Variants in MYO5B observed in about 807,000 individuals in gnomAD.
MYO5B encodes myosin VB, also known as unconventional myosin-Vb.
A neutral mutation model predicts 229.3 loss-of-function variants in MYO5B; 143 were observed. The observed-to-expected ratio is 0.62, with a 90% CI of 0.54 to 0.72. MYO5B has a LOEUF of 0.72. Among genes scored for constraint, MYO5B ranks in the 30% least tolerant of loss-of-function variants. The pLI, the probability that MYO5B is intolerant of heterozygous loss-of-function variation, is 0.00. For synonymous variants in MYO5B, 918 were observed against 885.2 expected (o/e 1.04, Z -0.66); for missense variants, 2,321 against 2,331.0 (o/e 1.00, Z 0.09).
chr18:50,107,986 A>C (rs2031792974), intron 1 of MYO5B, among the ~76,000 whole-genome samples: 1 of 149,834 alleles, frequency 6.7e-6, no homozygotes, highest in Non-Finnish European at 1.5e-5. Flanking sequence ...TTGGCTCACT[A>C]CAACCTTCGC....
chr18:49,868,590 G>A (rs1489656906), intron 27 of MYO5B, among the ~76,000 whole-genome samples: 1 of 152,224 alleles, frequency 6.6e-6, no homozygotes, highest in African/African-American at 2.4e-5. Flanking sequence ...CAGCTTCCAG[G>A]TCAGCACAGT....
chr18:50,083,870 A>C (rs1317235174), intron 1 of MYO5B, among the ~76,000 whole-genome samples: 5 of 152,124 alleles, frequency 3.3e-5, no homozygotes. Flanking sequence ...AGTCCACCCC[A>C]AGGAAGGTTT....
chr18:49,843,530 G>T, intron 33 of MYO5B, 138 bp from the exon 34 acceptor site: 1 of 1,119,744 alleles, frequency 8.9e-7, no homozygotes, highest in Non-Finnish European at 1.3e-6. Context: ...AAGAGGATTG[G>T]GAGAGAAGCC....
intron 12 of MYO5B, among the ~76,000 whole-genome samples, chr18:49,959,389 T>A (rs1430299693): frequency 1.3e-5 from 2 of 152,214 alleles, no homozygotes; most frequent in Non-Finnish European, 1.5e-5. Flanking sequence ...GTCACACCTC[T>A]ACACGAAAGC....
At chr18:50,025,084 C>T (rs945762793) in intron 4 of MYO5B, among the ~76,000 whole-genome samples, 1 of 152,162 alleles carries the variant, frequency 6.6e-6, no homozygotes, top group Admixed American at 6.5e-5. Flanking sequence ...ATTACAGAGA[C>T]CCTGTTACAA....
chr18:50,034,565 G>A (rs1167816695), intron 4 of MYO5B, among the ~76,000 whole-genome samples: 1 of 152,176 alleles, frequency 6.6e-6, no homozygotes, highest in African/African-American at 2.4e-5. Context: ...CCAACATGGT[G>A]AAACCCCGTC....
Position 49,990,497 on chromosome 18 carries a change from G to A in MYO5B, c.780C>T (p.His260=), listed in dbSNP as rs374782896. 161 of 1,613,864 alleles carry A rather than the reference G, an allele frequency of 1.0e-4. No homozygotes were observed. The African/African-American group carries it at 2.0e-3, about 20-fold the overall frequency. Residue 260 remains histidine, a synonymous_variant, in exon 7 of 40, where the codon CAC becomes CAT. Coordinates refer to ENST00000285039, the MANE Select transcript of MYO5B (RefSeq NM_001080467.3). ...CAGCAGCACAGAGCTGGTAAAAGAT[G>A]TGGTAATTCCTCTCATCATCTGCCT... ...VFQADDERNY[H]IFYQLCAAAG... is the part of the protein sequence containing the mutation.
intron 1 of MYO5B, among the ~76,000 whole-genome samples, chr18:50,177,420 C>T (rs1203024285): frequency 2.6e-5 from 4 of 152,170 alleles, no homozygotes; most frequent in Admixed American, 1.3e-4. Context: ...TATATACTCC[C>T]GTCTTTGCCT....
chr18:50,100,081 C>A (rs1287410945), intron 1 of MYO5B, among the ~76,000 whole-genome samples: 1 of 152,248 alleles, frequency 6.6e-6, no homozygotes, highest in Non-Finnish European at 1.5e-5. Flanking sequence ...CAGCAACAAC[C>A]TGGCTAGAAA....
intron 7 of MYO5B, 62 bp from the exon 8 acceptor site, chr18:49,984,887 ACC>A: frequency 8.1e-7 from 1 of 1,228,528 alleles, no homozygotes. Flanking sequence ...ACAGATCGTG[ACC>A]CATGAAAATT....
intron 17 of MYO5B, among the ~76,000 whole-genome samples, chr18:49,918,609 C>G (rs1216900214): frequency 6.6e-6 from 1 of 152,134 alleles, no homozygotes; most frequent in Non-Finnish European, 1.5e-5. Flanking sequence ...AGTTAAAGAG[C>G]CTTACAGGAA....
In MYO5B at chr18:49,824,736, G is replaced by A. The variant is rs1204861643; in HGVS notation, c.*1735C>T. 1.3e-5 allele frequency: 2 copies of A among 152,190 alleles called. No individual in the cohort carries two copies. Among genetic ancestry groups the A allele is most frequent in the Non-Finnish European group, 2.9e-5 (2 of 68,032 alleles). 9.4% of individuals were successfully genotyped at this position (152,190 alleles called of 1,614,324 possible). A position where few individuals can be genotyped will look rare whatever the true frequency, so the allele number is the denominator to read the frequency against. ...AAATGAAGTCAGCACATGGATCCAT[G>A]GGTAAGTGTCATGGACGTCAGTGAT... On this transcript the variant is annotated 3_prime_UTR_variant, in exon 40 of 40. Transcript: ENST00000285039.
Position 49,903,864 on chromosome 18 carries a change from G to C in MYO5B, c.2571+808C>G, listed in dbSNP as rs558612974. Reference sequence around the variant, plus strand: ...TTCACTGGAACAACACAAAGAGCAAGAACCTGGCAGGGAAGAGGTCGGGGC... The same window carrying C: ...TTCACTGGAACAACACAAAGAGCAACAACCTGGCAGGGAAGAGGTCGGGGC... On this transcript the variant is annotated intron_variant, in intron 20 of 39. Transcript: ENST00000285039. Among the ~76,000 whole-genome samples the C allele has an allele frequency of 5.3e-5, 8 of 152,360 alleles. No individual in the cohort carries two copies. In the South Asian group the frequency reaches 6.2e-4, roughly 12 times the overall value.
intron 18 of MYO5B, among the ~76,000 whole-genome samples, chr18:49,911,059 C>G (rs559096670): frequency 5.3e-5 from 8 of 152,326 alleles, no homozygotes; most frequent in African/African-American, 1.9e-4. Flanking sequence ...AATCTATTGC[C>G]TTACTTAAAA....
chr18:50,098,320 A>G (rs556460529), intron 1 of MYO5B, among the ~76,000 whole-genome samples: 2 of 152,284 alleles, frequency 1.3e-5, no homozygotes, highest in Admixed American at 6.5e-5. Context: ...GGCAAGGTGT[A>G]AACTAGCAAT....
Position 49,864,336 on chromosome 18 carries a change from C to T in MYO5B, c.3648G>A (p.Leu1216=). 6.2e-7 allele frequency: 1 copy of T among 1,614,066 alleles called. No homozygotes were observed. The highest frequency in any genetic ancestry group is 2.2e-5 in the East Asian group (1 of 44,864). ...CGGCCACGGCTTTCCTCAGCTCATT[C>T]AGGTCATTCTTCAGCTTTTTGTTCT... ...ESENKKLKND[L]NELRKAVADQ... is the part of the protein sequence containing the mutation. The change falls in exon 28 of 40, where the codon CTG becomes CTA. Residue 1216 remains leucine, a synonymous_variant. Transcript: ENST00000285039.
chr18:49,940,314 A>G (rs2025300220), intron 14 of MYO5B, among the ~76,000 whole-genome samples: 1 of 152,338 alleles, frequency 6.6e-6, no homozygotes, highest in East Asian at 1.9e-4. Context: ...TCATGGTATC[A>G]CATCAGCACA....
At chr18:49,933,865 T>G (rs2025220815) in intron 16 of MYO5B, among the ~76,000 whole-genome samples, 1 of 152,184 alleles carries the variant, frequency 6.6e-6, no homozygotes. Context: ...TTCAGATTCT[T>G]TCATCAGGAT....
rs148587448 is a variant in MYO5B at position 49,860,321 on chromosome 18, C to G, written c.3944+2906G>C. ...ACTTGTGCCCTCCTAAACCACTTCC[C>G]CATCCTTCTCCCATATACAGCCCTG... On this transcript the variant is annotated intron_variant, in intron 29 of 39. Transcript: ENST00000285039. 1.0e-2 allele frequency among the ~76,000 whole-genome samples: 1,522 copies of G among 152,242 alleles called. 39 individuals are homozygous for G. In the South Asian group the frequency reaches 0.12, roughly 12 times the overall value.
Sources: allele counts gnomAD v4.1 joint callset (sites outside exome capture counted in the v4.1 genomes callset), GRCh38; gene constraint gnomAD v4.1.1; transcripts MANE v1.5; gene names NCBI Gene and HGNC (gene_info 2026-07-23, HGNC 2026-07-21).